CPVL: variants seen among roughly 807,000 people sequenced by gnomAD.
The protein encoded by CPVL is probable serine carboxypeptidase CPVL.
Under a neutral mutation model 63.7 loss-of-function variants are expected in CPVL, and 51 were observed. That is an observed-to-expected ratio of 0.80 (90% CI 0.64 to 1.01). The LOEUF is 1.01. Among genes scored for constraint, CPVL ranks in the 50% least tolerant of loss-of-function variants. The pLI is 0.00. For missense variants in CPVL, 530 were observed against 573.1 expected, an observed-to-expected ratio of 0.92 and a Z score of 0.77; for synonymous variants, 195 against 206.0, an observed-to-expected ratio of 0.95 and a Z score of 0.46.
chr7:29,108,244 C>T (rs1402907512), intron 3 of CPVL, among the ~76,000 whole-genome samples: 2 of 152,218 alleles, frequency 1.3e-5, no homozygotes, highest in African/African-American at 4.8e-5. Context: ...CTAAATGCCC[C>T]AGGTTTTGGC....
At chr7:29,133,609 G>A (rs1460888367) in intron 1 of CPVL, among the ~76,000 whole-genome samples, 1 of 152,208 alleles carries the variant, frequency 6.6e-6, no homozygotes, top group Non-Finnish European at 1.5e-5. Context: ...AACTCAACAT[G>A]TCAAAATGGC....
intron 2 of CPVL, among the ~76,000 whole-genome samples, chr7:29,117,249 T>C (rs946324883): frequency 1.3e-5 from 2 of 152,186 alleles, no homozygotes; most frequent in African/African-American, 4.8e-5. Flanking sequence ...CTACCTCCCT[T>C]GGAATCTTTC....
chr7:29,002,657 A>G (rs1784754415), intron 12 of CPVL, among the ~76,000 whole-genome samples: 2 of 152,230 alleles, frequency 1.3e-5, no homozygotes, highest in African/African-American at 4.8e-5. Flanking sequence ...GTATAGAAAA[A>G]TAATTCACAA....
intron 3 of CPVL, among the ~76,000 whole-genome samples, chr7:29,096,933 C>T (rs1786472872): frequency 1.4e-5 from 2 of 139,670 alleles, no homozygotes; most frequent in African/African-American, 5.3e-5. Context: ...TGCAGTGAGC[C>T]AAGATTGCAC....
intron 12 of CPVL, among the ~76,000 whole-genome samples, chr7:29,016,589 G>A (rs750315774): frequency 6.6e-6 from 1 of 152,108 alleles, no homozygotes; most frequent in Non-Finnish European, 1.5e-5. Flanking sequence ...GACATTTTGG[G>A]AGAAGCCCCT....
At chr7:29,103,194 G>A (rs1031546623) in intron 3 of CPVL, among the ~76,000 whole-genome samples, 1 of 90,692 alleles carries the variant, frequency 1.1e-5, no homozygotes, top group South Asian at 4.8e-4. Context: ...GGGGGGGGGG[G>A]GGTGCTAAAA....
Position 29,030,732 on chromosome 7 carries a change from T to A in CPVL, c.1165A>T (p.Ile389Phe), listed in dbSNP as rs1280636854. ...KVLIYNGQLD[I>F]IVAAALTERS... ...TCTGTCAGGGCAGCTGCCACGATGA[T>A]GTCCAGTTGGCCATTGTAGATCAGA... is the stretch of plus-strand genomic sequence containing the variant. The change falls in exon 12 of 13, where the codon ATC becomes TTC. Residue 389 changes from isoleucine (I) to phenylalanine (F), a missense_variant. Physicochemically the swap from Ile to Phe is conservative, Grantham distance 21. Transcript: ENST00000265394. 6.2e-7 allele frequency: 1 copy of A among 1,611,942 alleles called. No homozygotes were observed. The highest frequency in any genetic ancestry group is 2.2e-5 in the East Asian group (1 of 44,694).
intron 11 of CPVL, among the ~76,000 whole-genome samples, chr7:29,041,125 G>GTTTTTTTTT (rs1462534359): frequency 8.0e-6 from 1 of 125,640 alleles, no homozygotes; most frequent in Non-Finnish European, 1.6e-5. Context: ...TCAATAACTG[G>GTTTTTTTTT]ATTTTTTTTT....
intron 5 of CPVL, among the ~76,000 whole-genome samples, chr7:29,173,774 C>CAA (rs764330313): frequency 2.1e-3 from 249 of 120,240 alleles, no homozygotes; most frequent in Non-Finnish European, 3.0e-3. Context: ...CTGTCTCTAC[C>CAA]AAAAAAAAAA....
chr7:29,082,158 T>TTG (rs947838372), intron 7 of CPVL, among the ~76,000 whole-genome samples: 4 of 151,994 alleles, frequency 2.6e-5, no homozygotes, highest in African/African-American at 7.3e-5. Context: ...CAATTTTTTT[T>TTG]TGTGTGGTGG....
chr7:29,098,900 TA>T (rs1786742386), intron 3 of CPVL, among the ~76,000 whole-genome samples: 1 of 151,884 alleles, frequency 6.6e-6, no homozygotes, highest in African/African-American at 2.4e-5. Context: ...CCATCTCTAC[TA>T]AAAATACAAA....
chr7:29,127,797 T>C (rs1227409008), intron 1 of CPVL, among the ~76,000 whole-genome samples: 3 of 152,060 alleles, frequency 2.0e-5, no homozygotes, highest in Non-Finnish European at 4.4e-5. Flanking sequence ...TCTGAACAAA[T>C]AGGCCTCGCT....
At chr7:29,148,773 G>C (rs1396688359), upstream of CPVL, 1 of 152,184 alleles carries the variant, frequency 6.6e-6, no homozygotes, top group African/African-American at 2.4e-5. Flanking sequence ...TTGAAGTTTA[G>C]TTGTGGGGAA....
chr7:29,065,422 T>C (rs1221718642), intron 10 of CPVL, among the ~76,000 whole-genome samples: 1 of 152,210 alleles, frequency 6.6e-6, no homozygotes, highest in Non-Finnish European at 1.5e-5. Context: ...ACAAAGATTA[T>C]ACAAATTCAA....
intron 1 of CPVL, among the ~76,000 whole-genome samples, chr7:29,140,199 G>T (rs1791723432): frequency 6.6e-6 from 1 of 152,158 alleles, no homozygotes; most frequent in Admixed American, 6.5e-5. Flanking sequence ...CGGCACTTTA[G>T]GAGGCCGAGG....
chr7:29,011,470 G>C (rs2158925), intron 12 of CPVL: 2 of 152,098 alleles, frequency 1.3e-5, no homozygotes, highest in Non-Finnish European at 2.9e-5. Context: ...AGATACCTGG[G>C]ATGCTGAGGT....
chr7:29,047,347 C>G (rs373869586), intron 11 of CPVL, among the ~76,000 whole-genome samples: 1 of 152,050 alleles, frequency 6.6e-6, no homozygotes, highest in East Asian at 1.9e-4. Flanking sequence ...GAAAAAACAT[C>G]AAAACTTTGG....
At position 29,086,491 on chromosome 7, in the gene CPVL, G is replaced by C. The variant is rs1448681811; in HGVS notation, c.602C>G (p.Thr201Ser). 1.2e-6 allele frequency: 2 copies of C among 1,609,988 alleles called. No individual in the cohort carries two copies. The highest frequency in any genetic ancestry group is 1.3e-5 in the African/African-American group (1 of 74,802). ...PEYKNNDFYV[T>S]GESYAGKYVP... Reference sequence around the variant, plus strand: ...AACGTGACTTCTACTTACCTCCCCAGTGACATAAAAGTCATTATTTTTATA... The same window carrying C: ...AACGTGACTTCTACTTACCTCCCCACTGACATAAAAGTCATTATTTTTATA... Residue 201 changes from threonine (T) to serine (S), a missense_variant, in exon 7 of 13, where the codon ACT becomes AGT. By Grantham distance (58) the Thr-to-Ser change is moderately conservative. Transcript: ENST00000265394.
chr7:29,026,375 G>T (rs914834238), intron 12 of CPVL, among the ~76,000 whole-genome samples: 2 of 151,912 alleles, frequency 1.3e-5, no homozygotes, highest in African/African-American at 4.8e-5. Flanking sequence ...AGTAGAAAGT[G>T]TTTAAATATA....
Sources: allele counts gnomAD v4.1 joint callset (sites outside exome capture counted in the v4.1 genomes callset), GRCh38; gene constraint gnomAD v4.1.1; transcripts MANE v1.5; gene names NCBI Gene and HGNC (gene_info 2026-07-23, HGNC 2026-07-21).